Variants in CRACD observed in about 807,000 individuals in gnomAD.
CRACD encodes capping protein inhibiting regulator of actin dynamics.
A neutral mutation model predicts 106.8 loss-of-function variants in CRACD; 56 were observed. The ratio of observed to expected loss-of-function variants is 0.52; its 90% CI spans 0.42 to 0.66. CRACD has a LOEUF of 0.66. CRACD is among the 30% of genes least tolerant of loss of function. The pLI, the probability that CRACD is intolerant of heterozygous loss-of-function variation, is 0.00. For synonymous variants in CRACD, 754 were observed against 670.8 expected, an observed-to-expected ratio of 1.12 and a Z score of -1.92; for missense variants, 1,730 against 1,623.2, an observed-to-expected ratio of 1.07 and a Z score of -1.13.
At chr4:56,301,473 G>A (rs1258532055) in intron 4 of CRACD, among the ~76,000 whole-genome samples, 1 of 152,088 alleles carries the variant, frequency 6.6e-6, no homozygotes, top group Admixed American at 6.6e-5. Flanking sequence ...AAAGAGAGAA[G>A]TAATGGAAAA....
chr4:56,314,724 G>A lies in CRACD; in HGVS notation c.1222G>A (p.Gly408Ser). 1 of 1,570,014 alleles carries A rather than the reference G, an allele frequency of 6.4e-7. No individual in the cohort carries two copies. Among genetic ancestry groups the A allele is most frequent in the Non-Finnish European group, 8.6e-7 (1 of 1,157,850 alleles). ...GGATCTGGGGGAAGAGGAGGAGGAG[G>A]GCCAGGCGCACCTGGAGGACTGGAG... ...EEDLGEEEEEGQAHLEDWRGQ... is the reference protein window; with the variant it reads ...EEDLGEEEEESQAHLEDWRGQ... The change falls in exon 8 of 11, where the codon GGC becomes AGC. Residue 408 changes from glycine (G) to serine (S), a missense_variant. By Grantham distance (56) the Gly-to-Ser change is moderately conservative. This residue lies in a region of CRACD where 1,620 missense variants were observed against 1,481.6 expected (regional missense o/e 1.09). Transcript: ENST00000682029. This position sits in a 1 kb window ranked among gnomAD's most constrained non-coding sequence, Gnocchi z 4.4.
intron 1 of CRACD, among the ~76,000 whole-genome samples, chr4:56,056,003 G>C (rs1306040126): frequency 6.6e-6 from 1 of 152,192 alleles, no homozygotes; most frequent in Non-Finnish European, 1.5e-5. Flanking sequence ...ATAGATAGAA[G>C]ATAACATGGT....
rs371649341 is a variant in CRACD at position 56,110,745 on chromosome 4, C to T, written c.-336+61446C>T. 5.9e-5 allele frequency among the ~76,000 whole-genome samples: 9 copies of T among 152,110 alleles called. No individual in the cohort carries two copies. In the East Asian group the frequency reaches 1.6e-3, roughly 26 times the overall value. ...CCGAGTAGCTGGGATTACAGGCACC[C>T]GCCATCACGCCTTGCTGATTTTTGT... On this transcript the variant is annotated intron_variant, in intron 1 of 10. Transcript: ENST00000682029.
intron 2 of CRACD, among the ~76,000 whole-genome samples, chr4:56,226,969 C>T (rs1739335710): frequency 6.6e-6 from 1 of 151,834 alleles, no homozygotes; most frequent in African/African-American, 2.4e-5. Flanking sequence ...TTGCCTTACA[C>T]CATAAGTGGA....
chr4:56,115,060 CT>C (rs1413422953), intron 1 of CRACD, among the ~76,000 whole-genome samples: 74 of 152,146 alleles, frequency 4.9e-4, no homozygotes, highest in African/African-American at 1.6e-3. Context: ...TTGGAATTGA[CT>C]TATAGTAATT....
intron 2 of CRACD, among the ~76,000 whole-genome samples, chr4:56,265,393 A>G (rs1357233511): frequency 7.7e-6 from 1 of 129,212 alleles, no homozygotes; most frequent in Non-Finnish European, 1.6e-5. Flanking sequence ...ACTCAGGGGT[A>G]TAGAGGAGGG....
At chr4:56,080,797 C>G (rs1384116585) in intron 1 of CRACD, among the ~76,000 whole-genome samples, 1 of 152,182 alleles carries the variant, frequency 6.6e-6, no homozygotes, top group Non-Finnish European at 1.5e-5. Context: ...CTAAAATATT[C>G]ATTACTTCTA....
intron 2 of CRACD, among the ~76,000 whole-genome samples, chr4:56,239,771 C>T (rs576699477): frequency 6.6e-6 from 1 of 152,278 alleles, no homozygotes; most frequent in African/African-American, 2.4e-5. Flanking sequence ...TCCCCGTGTC[C>T]TGGGACCCCC....
At chr4:56,103,978 T>C (rs1013162992) in intron 1 of CRACD, among the ~76,000 whole-genome samples, 3 of 152,200 alleles carry the variant, frequency 2.0e-5, no homozygotes, top group Non-Finnish European at 4.4e-5. Context: ...TTCACCATGT[T>C]GATCAGGATG....
chr4:56,218,535 C>T (rs907441045), intron 2 of CRACD, among the ~76,000 whole-genome samples: 9 of 139,910 alleles, frequency 6.4e-5, no homozygotes, highest in East Asian at 2.2e-4. Flanking sequence ...ATTTCCTTCC[C>T]TTCTCCCCGC....
At chr4:56,251,989 C>T (rs142686325) in intron 2 of CRACD, among the ~76,000 whole-genome samples, 10 of 152,250 alleles carry the variant, frequency 6.6e-5, no homozygotes, top group Admixed American at 2.0e-4. Context: ...TGTATATATA[C>T]GCATATAAAC....
At chr4:56,287,022 G>A (rs1434677984) in intron 3 of CRACD, among the ~76,000 whole-genome samples, 1 of 152,142 alleles carries the variant, frequency 6.6e-6, no homozygotes, top group Non-Finnish European at 1.5e-5. Context: ...CTAAGCTCTT[G>A]ACAACTTTAA....
chr4:56,263,641 A>G (rs1741838329), intron 2 of CRACD, among the ~76,000 whole-genome samples: 1 of 152,164 alleles, frequency 6.6e-6, no homozygotes, highest in African/African-American at 2.4e-5. Flanking sequence ...ATTACCTTTT[A>G]AAGACTCTAT....
chr4:56,262,700 A>C (rs184495013), intron 2 of CRACD, among the ~76,000 whole-genome samples: 20 of 152,324 alleles, frequency 1.3e-4, no homozygotes, highest in Admixed American at 1.3e-3. Flanking sequence ...TTTCAGAACA[A>C]GGGTGATTGC....
At position 56,060,579 on chromosome 4, in the gene CRACD, A is replaced by G. The variant is rs144152463; in HGVS notation, c.-336+11280A>G. Among the ~76,000 whole-genome samples the G allele has an allele frequency of 5.7e-3, 866 of 152,196 alleles. 9 individuals are homozygous for G. The highest frequency in any genetic ancestry group is 0.02 in the African/African-American group (813 of 41,524). On this transcript the variant is annotated intron_variant, in intron 1 of 10. Coordinates refer to ENST00000682029, the MANE Select transcript of CRACD (RefSeq NM_001393381.1). Reference sequence around the variant, plus strand: ...GTGTGAGGTGGCAGGAACGTCAGGCATGGAGGGGAGGGGCAGGAGACAAGA... The same window carrying G: ...GTGTGAGGTGGCAGGAACGTCAGGCGTGGAGGGGAGGGGCAGGAGACAAGA...
chr4:56,082,835 T>TA (rs918087981), intron 1 of CRACD, among the ~76,000 whole-genome samples: 46 of 148,178 alleles, frequency 3.1e-4, no homozygotes, highest in South Asian at 8.6e-4. Context: ...TTTAGTAAAT[T>TA]AAAAAAAAAA....
At chr4:56,140,179 C>T (rs1735143545) in intron 1 of CRACD, among the ~76,000 whole-genome samples, 1 of 152,244 alleles carries the variant, frequency 6.6e-6, no homozygotes, top group East Asian at 1.9e-4. Flanking sequence ...CCTGCATCCA[C>T]AGTGACTCTC....
intron 1 of CRACD, among the ~76,000 whole-genome samples, chr4:56,063,729 A>T (rs545331566): frequency 6.4e-4 from 97 of 151,276 alleles, no homozygotes; most frequent in Middle Eastern, 3.4e-3. Context: ...ATGACTTTTT[A>T]AAAAAAAATG....
In CRACD at chr4:56,316,540, G is replaced by T; in HGVS notation, c.3038G>T (p.Arg1013Leu). The T allele has an allele frequency of 6.2e-7, 1 of 1,613,282 alleles. No homozygotes were observed. Among genetic ancestry groups the T allele is most frequent in the Non-Finnish European group, 8.5e-7 (1 of 1,179,600 alleles). The change falls in exon 8 of 11, where the codon CGC becomes CTC. Residue 1013 changes from arginine (R) to leucine (L), a missense_variant. Physicochemically the swap from Arg to Leu is moderately radical, Grantham distance 102. Coordinates refer to ENST00000682029, the MANE Select transcript of CRACD (RefSeq NM_001393381.1). ...PSKEDQESSD[R>L]RPPSPPGPEE... Reference sequence around the variant, plus strand: ...AAGGAGGACCAGGAGAGCAGTGACCGCCGGCCACCCTCGCCCCCAGGCCCC... The same window carrying T: ...AAGGAGGACCAGGAGAGCAGTGACCTCCGGCCACCCTCGCCCCCAGGCCCC...
Sources: allele counts gnomAD v4.1 joint callset (sites outside exome capture counted in the v4.1 genomes callset), GRCh38; gene constraint gnomAD v4.1.1; regional missense constraint gnomAD v4.1.1; non-coding constraint Gnocchi (gnomAD v3.1); transcripts MANE v1.5; gene names NCBI Gene and HGNC (gene_info 2026-07-23, HGNC 2026-07-21).